The following MACF1 variants were observed in gnomAD, a reference collection of about 807,000 sequenced individuals.
The protein encoded by MACF1 is microtubule actin crosslinking factor 1, also known as microtubule-actin cross-linking factor 1.
A neutral mutation model predicts 854.8 loss-of-function variants in MACF1; 193 were observed. That is an observed-to-expected ratio of 0.23 (90% confidence interval 0.20 to 0.25). The LOEUF (loss-of-function observed/expected upper bound fraction) is 0.25, where lower values mean the gene tolerates loss of function less well. MACF1 is among the 10% of genes least tolerant of loss of function. MACF1 has a pLI of 1.00. For missense variants in MACF1, 7,722 were observed against 8,929.1 expected (o/e 0.86, Z 5.45); for synonymous variants, 3,185 against 3,226.7 (o/e 0.99, Z 0.44).
chr1:39,242,403 G>A (rs1644935157), intron 2 of MACF1, among the ~76,000 whole-genome samples: 1 of 151,138 alleles, frequency 6.6e-6, no homozygotes, highest in Non-Finnish European at 1.5e-5. Flanking sequence ...TAATGCTTGG[G>A]CACTGGGGAG....
chr1:39,415,197 T>G (rs966129691), intron 58 of MACF1, among the ~76,000 whole-genome samples: 2 of 152,208 alleles, frequency 1.3e-5, no homozygotes, highest in African/African-American at 4.8e-5. Flanking sequence ...ATAGAGATAT[T>G]TTAGTCATCT....
intron 2 of MACF1, among the ~76,000 whole-genome samples, chr1:39,111,557 A>G (rs921938181): frequency 8.4e-4 from 128 of 151,726 alleles, no homozygotes; most frequent in African/African-American, 2.9e-3. Flanking sequence ...AATTTTTTGT[A>G]TTTTTAGTAG....
chr1:39,246,886 T>C (rs1036865118), intron 2 of MACF1, among the ~76,000 whole-genome samples: 2 of 150,838 alleles, frequency 1.3e-5, no homozygotes, highest in Non-Finnish European at 2.9e-5. Flanking sequence ...AGCAATTTTG[T>C]GAGCTGGTTG....
chr1:39,447,475 A>T lies in MACF1; in HGVS notation c.19649A>T (p.Asn6550Ile). ...EALNLATEFQ[N>I]SLQEFINWLT... Reference sequence around the variant, plus strand: ...CTCAACTTGGCAACAGAATTCCAGAATTCCCTACAAGAATTTATCAACTGG... The same window carrying T: ...CTCAACTTGGCAACAGAATTCCAGATTTCCCTACAAGAATTTATCAACTGG... Residue 6550 changes from asparagine to isoleucine, a missense_variant, in exon 81 of 101, where the codon AAT becomes ATT. Physicochemically the swap from Asn to Ile is moderately radical, Grantham distance 149. Around this residue, in one of 15 missense-constraint regions of MACF1, gnomAD observed 729 missense variants for 900.5 expected, o/e 0.81. Transcript: ENST00000564288. The T allele has an allele frequency of 2.5e-6, 4 of 1,614,150 alleles. No individual in the cohort carries two copies. The highest frequency in any genetic ancestry group is 3.4e-6 in the Non-Finnish European group (4 of 1,180,020).
Position 39,287,385 on chromosome 1 carries a change from T to C in MACF1, c.1608T>C (p.Ser536=). The C allele has an allele frequency of 6.2e-7, 1 of 1,614,228 alleles. No homozygotes were observed. Among genetic ancestry groups the C allele is most frequent in the Admixed American group, 1.7e-5 (1 of 60,026 alleles). The change falls in exon 15 of 101, where the codon TCT becomes TCC. Residue 536 remains serine, a synonymous_variant. Coordinates refer to ENST00000564288, the MANE Select transcript of MACF1 (RefSeq NM_001394062.1). ...CTTCACTTGAATTGGTTCCACCCTC[T>C]ACTTTAACCACCACTCATCTGAAAG... The part of the protein sequence containing the change: ...HFTSLELVPP[S]TLTTTHLKAE...
At position 39,387,716 on chromosome 1, in the gene MACF1, G is replaced by T. The variant is rs1027926014; in HGVS notation, c.14874G>T (p.Leu4958=). 8.7e-6 allele frequency: 14 copies of T among 1,614,160 alleles called. No homozygotes were observed. The highest frequency in any genetic ancestry group is 1.2e-5 in the Non-Finnish European group (14 of 1,180,038). Residue 4958 remains leucine (L), a synonymous_variant, in exon 58 of 101, where the codon CTG becomes CTT. Transcript: ENST00000564288. ...MLNEVEKRRS[L]LEILNSAADI... ...ATGAGGTGGAGAAGCGCCGCTCCCT[G>T]CTGGAAATATTGAATAGTGCTGCTG...
rs565521738 is a variant in MACF1, at chr1:39,241,783, G to A, written c.172-8231G>A. On this transcript the variant is annotated intron_variant, in intron 2 of 100. Transcript: ENST00000564288. ...ATAATCTGTCATTTTGACCCTCCAAGCATCATAGAAGCCTTGTTAAGAGAG... is the reference window on the plus strand; with the variant it reads ...ATAATCTGTCATTTTGACCCTCCAAACATCATAGAAGCCTTGTTAAGAGAG... Among the ~76,000 whole-genome samples the A allele has an allele frequency of 4.0e-5, 6 of 151,544 alleles. No homozygotes were observed. In the East Asian group the frequency reaches 9.7e-4, roughly 25 times the overall value.
intron 2 of MACF1, among the ~76,000 whole-genome samples, chr1:39,240,202 G>A (rs12120111): frequency 0.21 from 31,423 of 152,114 alleles, 3,898 homozygotes; most frequent in Non-Finnish European, 0.27. Context: ...CATACTTTTT[G>A]CGTATTCATG....
intron 44 of MACF1, among the ~76,000 whole-genome samples, chr1:39,355,460 C>CTTTTTTTTTT (rs56202498): frequency 4.9e-5 from 4 of 81,054 alleles, no homozygotes; most frequent in Non-Finnish European, 8.9e-5. Context: ...TTTTCTTCTG[C>CTTTTTTTTTT]TTTTTTTTTT....
Position 39,372,588 on chromosome 1 carries a change from G to A in MACF1, c.13205G>A (p.Gly4402Asp). Residue 4402 changes from glycine to aspartate, a missense_variant, in exon 52 of 101, where the codon GGC becomes GAC. Physicochemically the swap from Gly to Asp is moderately conservative, Grantham distance 94. Transcript: ENST00000564288. ...IMEITAPDSQGKTGSILPSVG... is the reference protein window; with the variant it reads ...IMEITAPDSQDKTGSILPSVG... ...GAAATCACAGCACCTGATTCCCAAGGCAAGACAGGTGAGTACAGGCTCTTC... is the reference window on the plus strand; with the variant it reads ...GAAATCACAGCACCTGATTCCCAAGACAAGACAGGTGAGTACAGGCTCTTC... The A allele has an allele frequency of 6.2e-7, 1 of 1,608,578 alleles. No homozygotes were observed. The highest frequency in any genetic ancestry group is 8.5e-7 in the Non-Finnish European group (1 of 1,175,068).
intron 23 of MACF1, among the ~76,000 whole-genome samples, chr1:39,305,899 C>T (rs1330216576): frequency 6.6e-6 from 1 of 152,162 alleles, no homozygotes; most frequent in Non-Finnish European, 1.5e-5. Context: ...ACCACCATCC[C>T]CACTAACTGC....
chr1:39,099,780 C>T (rs943855498), intron 2 of MACF1, among the ~76,000 whole-genome samples: 10 of 152,112 alleles, frequency 6.6e-5, no homozygotes, highest in African/African-American at 2.4e-4. Context: ...GTGTTAGGCC[C>T]AGTGATGAAG....
intron 58 of MACF1, among the ~76,000 whole-genome samples, chr1:39,416,115 T>C (rs1643298594): frequency 6.6e-6 from 1 of 152,144 alleles, no homozygotes; most frequent in Admixed American, 6.5e-5. Flanking sequence ...ATAAACTCTT[T>C]GATTAAGAGG....
At chr1:39,088,134 G>A (rs1240162434) in intron 2 of MACF1, among the ~76,000 whole-genome samples, 4 of 152,052 alleles carry the variant, frequency 2.6e-5, no homozygotes, top group Admixed American at 6.6e-5. Flanking sequence ...CACCTTGCCC[G>A]GCTAATTTTT....
At chr1:39,419,701 C>G (rs188593132) in intron 58 of MACF1, among the ~76,000 whole-genome samples, 1 of 151,584 alleles carries the variant, frequency 6.6e-6, no homozygotes, top group Admixed American at 6.6e-5. Flanking sequence ...GGCATGATCT[C>G]GGCTCACTGA....
intron 97 of MACF1, among the ~76,000 whole-genome samples, chr1:39,477,073 A>ACACACACACATATATACACTTAGTG (rs1481277864): frequency 0.029 from 1,087 of 37,820 alleles, 79 homozygotes; most frequent in Middle Eastern, 0.081. Context: ...ATATATATAT[A>ACACACACACATATATACACTTAGTG]TATATATATA....
At chr1:39,411,444 G>A (rs750777622) in intron 58 of MACF1, 1 of 1,613,970 alleles carries the variant, frequency 6.2e-7, no homozygotes, top group South Asian at 1.1e-5. Context: ...CTCTTGGTCA[G>A]ATTTGTTGCC....
intron 6 of MACF1, among the ~76,000 whole-genome samples, chr1:39,261,273 T>G (rs1645161087): frequency 6.6e-6 from 1 of 152,206 alleles, no homozygotes; most frequent in South Asian, 2.1e-4. Context: ...CCTTTTTGGT[T>G]ATAATTTCTA....
chr1:39,347,343 G>A (rs1475234552), intron 41 of MACF1, 133 bp downstream of exon 41: 6 of 703,734 alleles, frequency 8.5e-6, no homozygotes, highest in Non-Finnish European at 2.5e-6. Flanking sequence ...ATGTCATGCA[G>A]GCCAGTATGG....
Sources: gnomAD v4.1 joint callset for allele counts (sites outside exome capture counted in the v4.1 genomes callset) on GRCh38, gnomAD v4.1.1 for gene constraint, gnomAD v4.1.1 regional missense constraint, MANE v1.5 for transcripts, NCBI Gene and HGNC (gene_info 2026-07-23, HGNC 2026-07-21) for gene names.